The following SCAPER variants were observed in gnomAD, a reference collection of about 807,000 sequenced individuals.
SCAPER encodes the protein S-phase cyclin A associated protein in the ER.
In SCAPER, 98 loss-of-function variants were observed where a neutral mutation model predicts 182.2. That is an observed-to-expected ratio of 0.54 (90% CI 0.46 to 0.64). SCAPER has a LOEUF of 0.64. Among genes scored for constraint, SCAPER ranks in the 30% least tolerant of loss-of-function variants. The pLI, the probability that SCAPER is intolerant of heterozygous loss-of-function variation, is 0.00. For missense variants in SCAPER, 1,432 were observed against 1,690.0 expected, an observed-to-expected ratio of 0.85 and a Z score of 2.68; for synonymous variants, 605 against 564.6, an observed-to-expected ratio of 1.07 and a Z score of -1.01.
At chr15:76,692,082 T>C (rs2058391671) in intron 20 of SCAPER, among the ~76,000 whole-genome samples, 1 of 152,150 alleles carries the variant, frequency 6.6e-6, no homozygotes, top group Non-Finnish European at 1.5e-5. Context: ...GATACACAAT[T>C]CTAAACTTGT....
rs189792798 is a variant in SCAPER, at chr15:76,666,327, C to G, written c.2509-538G>C. 1.5e-3 allele frequency among the ~76,000 whole-genome samples: 226 copies of G among 152,316 alleles called. 2 individuals are homozygous for G. Among genetic ancestry groups the G allele is most frequent in the Non-Finnish European group, 2.5e-3 (169 of 68,026 alleles). ...AAAAAGAAGGTCATCTCAGAAAACA[C>G]ATCCTAGAGATGAGAAAGTGGAATG... On this transcript the variant is annotated intron_variant, in intron 20 of 31. Transcript: ENST00000563290.
At chr15:76,476,622 T>TTTTTG (rs2050659059) in intron 24 of SCAPER, among the ~76,000 whole-genome samples, 1 of 141,078 alleles carries the variant, frequency 7.1e-6, no homozygotes, top group Non-Finnish European at 1.5e-5. Context: ...TTTTTTTTTT[T>TTTTTG]TGTAGAGACA....
chr15:76,729,681 A>G (rs1352954773), intron 16 of SCAPER, among the ~76,000 whole-genome samples: 1 of 152,180 alleles, frequency 6.6e-6, no homozygotes, highest in Non-Finnish European at 1.5e-5. Context: ...ACTTTTCTAG[A>G]AGATAAATAA....
intron 21 of SCAPER, among the ~76,000 whole-genome samples, chr15:76,630,289 T>G (rs2052983556): frequency 6.6e-6 from 1 of 152,326 alleles, no homozygotes; most frequent in South Asian, 2.1e-4. Context: ...TTTTCACATC[T>G]CTATCTCCTT....
chr15:76,407,879 A>G (rs997099910), intron 26 of SCAPER, among the ~76,000 whole-genome samples: 1 of 152,148 alleles, frequency 6.6e-6, no homozygotes, highest in Non-Finnish European at 1.5e-5. Flanking sequence ...GGCCAATCCT[A>G]TCTGTCCACA....
intron 20 of SCAPER, among the ~76,000 whole-genome samples, chr15:76,669,374 AC>A (rs2056853115): frequency 7.4e-6 from 1 of 135,016 alleles, no homozygotes; most frequent in Admixed American, 7.4e-5. Context: ...GTACACACAT[AC>A]AAAAAAACTT....
At chr15:76,708,701 A>T (rs971069118) in intron 17 of SCAPER, among the ~76,000 whole-genome samples, 11 of 152,196 alleles carry the variant, frequency 7.2e-5, no homozygotes, top group African/African-American at 2.4e-4. Context: ...CTTTGGAAAG[A>T]GCGACAAAAT....
chr15:76,416,203 G>A (rs571724839), intron 26 of SCAPER, among the ~76,000 whole-genome samples: 140 of 152,052 alleles, frequency 9.2e-4, no homozygotes, highest in African/African-American at 3.2e-3. Flanking sequence ...GGCTGGGTGC[G>A]GTGGCTCACG....
intron 24 of SCAPER, among the ~76,000 whole-genome samples, chr15:76,482,181 T>C (rs899161692): frequency 6.6e-6 from 1 of 152,224 alleles, no homozygotes; most frequent in African/African-American, 2.4e-5. Flanking sequence ...AATTCTATTA[T>C]TTTGTTTCAA....
At chr15:76,690,875 A>G (rs1180844260) in intron 20 of SCAPER, among the ~76,000 whole-genome samples, 1 of 152,142 alleles carries the variant, frequency 6.6e-6, no homozygotes, top group African/African-American at 2.4e-5. Flanking sequence ...AAGTTCATAT[A>G]GGAAAAAAGG....
intron 27 of SCAPER, 144 bp from the exon 28 acceptor site, chr15:76,381,759 T>C: frequency 1.5e-6 from 1 of 675,106 alleles, no homozygotes; most frequent in Non-Finnish European, 2.5e-6. Context: ...CTTCAAGGAA[T>C]AAATGCAGCC....
intron 5 of SCAPER, among the ~76,000 whole-genome samples, chr15:76,813,309 G>A (rs994605323): frequency 7.0e-6 from 1 of 143,470 alleles, no homozygotes; most frequent in Admixed American, 7.0e-5. Context: ...TAGAAGTCAT[G>A]TATGAAAAAC....
rs1056429489 is a variant in SCAPER at position 76,448,929 on chromosome 15, T to C, written c.3079-14619A>G. ...ATTACCAGAAGCCAGTGAGTTATCA[T>C]CTCTCTTCTACTGGACAGCACTTAG... On this transcript the variant is annotated intron_variant, in intron 25 of 31. Coordinates refer to ENST00000563290, the MANE Select transcript of SCAPER (RefSeq NM_020843.4). Among the ~76,000 whole-genome samples, 19 of 152,280 alleles carry C rather than the reference T, an allele frequency of 1.2e-4. 1 individual carries two copies. The highest frequency in any genetic ancestry group is 4.1e-4 in the African/African-American group (17 of 41,554).
intron 1 of SCAPER, among the ~76,000 whole-genome samples, chr15:76,899,766 G>A (rs2074656557): frequency 6.7e-6 from 1 of 150,238 alleles, no homozygotes; most frequent in South Asian, 2.1e-4. Flanking sequence ...GAGCACCTCT[G>A]CCCGGCCGCC....
At chr15:76,532,781 T>C (rs1014124006) in intron 23 of SCAPER, among the ~76,000 whole-genome samples, 7 of 152,040 alleles carry the variant, frequency 4.6e-5, no homozygotes, top group African/African-American at 1.7e-4. Context: ...ATAGAAAAGA[T>C]GGATGGTGCA....
chr15:76,670,324 G>T lies in SCAPER; in HGVS notation c.2509-4535C>A, dbSNP rs146442568. On this transcript the variant is annotated intron_variant, in intron 20 of 31. Transcript: ENST00000563290. ...TGAAATTTTTAAATTTGCTATATTT[G>T]ATATAAATATATATTCCTTCCATTA... Among the ~76,000 whole-genome samples, 264 of 151,956 alleles carry T rather than the reference G, an allele frequency of 1.7e-3. 7 individuals carry two copies. The East Asian group carries it at 0.034, about 19-fold the overall frequency.
intron 10 of SCAPER, among the ~76,000 whole-genome samples, chr15:76,768,204 T>C (rs2063223079): frequency 6.6e-6 from 1 of 152,106 alleles, no homozygotes; most frequent in South Asian, 2.1e-4. Context: ...CCTAGATATA[T>C]ATCCAGGAGA....
In SCAPER at chr15:76,556,293, G is replaced by A. The variant is rs576090242; in HGVS notation, c.2838+17865C>T. Among the ~76,000 whole-genome samples, 28 of 151,976 alleles carry A rather than the reference G, an allele frequency of 1.8e-4. No homozygotes were observed. In the South Asian group the frequency reaches 4.8e-3, roughly 26 times the overall value. Reference sequence around the variant, plus strand: ...GCAGTGTAAGAGGGAAGTTTATAGCGTTAACCTACCACCACACCAGAATGA... The same window carrying A: ...GCAGTGTAAGAGGGAAGTTTATAGCATTAACCTACCACCACACCAGAATGA... On this transcript the variant is annotated intron_variant, in intron 23 of 31. Transcript: ENST00000563290.
chr15:76,753,997 T>G (rs1178908820), intron 14 of SCAPER, 49 bp from the exon 15 acceptor site: 1 of 1,576,020 alleles, frequency 6.3e-7, no homozygotes, highest in East Asian at 2.3e-5. Flanking sequence ...ATACAATCAT[T>G]TAAAAGAAGT....
Sources: gnomAD v4.1 joint callset for allele counts (sites outside exome capture counted in the v4.1 genomes callset) on GRCh38, gnomAD v4.1.1 for gene constraint, MANE v1.5 for transcripts, NCBI Gene and HGNC (gene_info 2026-07-23, HGNC 2026-07-21) for gene names.